Variants in LRP1B observed in about 807,000 individuals in gnomAD.
LRP1B encodes LDL receptor related protein 1B.
A neutral mutation model predicts 556.6 loss-of-function variants in LRP1B; 217 were observed. The ratio of observed to expected loss-of-function variants is 0.39; its 90% confidence interval spans 0.35 to 0.44. LRP1B has a LOEUF of 0.44. LRP1B is among the 20% of genes least tolerant of loss of function. The pLI is 1.00. For missense variants in LRP1B, 5,053 were observed against 5,620.8 expected (o/e 0.90, Z 3.23); for synonymous variants, 2,047 against 1,865.8 (o/e 1.10, Z -2.50).
chr2:141,188,349 A>T lies in LRP1B; in HGVS notation c.1013+72T>A, dbSNP rs1681353026. ...CTGTAGTCTTATTTTCCACAACAAC[A>T]CTTGTCATACTTCAATCTTTTCTTT... On this transcript the variant is annotated intron_variant, in intron 7 of 90. Coordinates refer to ENST00000389484, the MANE Select transcript of LRP1B (RefSeq NM_018557.3). The T allele has an allele frequency of 3.5e-6, 5 of 1,425,342 alleles. No homozygotes were observed. The South Asian group carries it at 4.9e-5, about 14-fold the overall frequency. The allele number at this position is 1,425,342 out of a possible 1,614,324, so 88.3% of individuals were successfully genotyped here.
chr2:141,410,655 T>A (rs1690818651), intron 3 of LRP1B, among the ~76,000 whole-genome samples: 2 of 152,048 alleles, frequency 1.3e-5, no homozygotes, highest in Non-Finnish European at 2.9e-5. Context: ...GGAATGGTGT[T>A]TTTTACTGAG....
At chr2:141,909,331 C>T (rs777299664) in intron 1 of LRP1B, among the ~76,000 whole-genome samples, 35 of 151,912 alleles carry the variant, frequency 2.3e-4, no homozygotes, top group Admixed American at 3.9e-4. Context: ...AAGTAAACTT[C>T]GAGACCTAGA....
chr2:140,306,838 G>T (rs947072933), intron 83 of LRP1B, among the ~76,000 whole-genome samples: 1 of 152,090 alleles, frequency 6.6e-6, no homozygotes, highest in Non-Finnish European at 1.5e-5. Context: ...ATGCGTCCCA[G>T]AGATTCTGGT....
chr2:140,359,135 A>G (rs977229970), intron 72 of LRP1B, among the ~76,000 whole-genome samples, 189 bp from the exon 73 acceptor site: 1 of 151,812 alleles, frequency 6.6e-6, no homozygotes, highest in Admixed American at 6.6e-5. Flanking sequence ...AACTACAGAA[A>G]AATGTGCACA....
chr2:140,778,798 A>G (rs1250656572), intron 32 of LRP1B, among the ~76,000 whole-genome samples: 1 of 152,112 alleles, frequency 6.6e-6, no homozygotes, highest in Non-Finnish European at 1.5e-5. Flanking sequence ...TGCCACATAT[A>G]TGAACGCACA....
intron 1 of LRP1B, among the ~76,000 whole-genome samples, chr2:141,923,501 GA>G (rs1700252975): frequency 1.4e-5 from 2 of 142,712 alleles, no homozygotes; most frequent in Non-Finnish European, 3.1e-5. Context: ...GAGAGGGAGG[GA>G]GGGGGAGAGA....
In LRP1B at chr2:140,934,751, T is replaced by C. The variant is rs549905932; in HGVS notation, c.3137-11604A>G. ...AGGTGCAAAGAGGTGGTGGCCATTGTCATTGCACCTCTCTCCATCGTTACA... is the reference window on the plus strand; with the variant it reads ...AGGTGCAAAGAGGTGGTGGCCATTGCCATTGCACCTCTCTCCATCGTTACA... On this transcript the variant is annotated intron_variant, in intron 20 of 90. Coordinates refer to ENST00000389484, the MANE Select transcript of LRP1B (RefSeq NM_018557.3). Among the ~76,000 whole-genome samples the C allele has an allele frequency of 6.6e-5, 10 of 152,264 alleles. No individual in the cohort carries two copies. The South Asian group carries it at 1.9e-3, about 28-fold the overall frequency.
chr2:140,764,630 T>C (rs1287180623), intron 35 of LRP1B, among the ~76,000 whole-genome samples: 1 of 152,176 alleles, frequency 6.6e-6, no homozygotes, highest in Non-Finnish European at 1.5e-5. Context: ...TTTTAAAATA[T>C]GTTTTAATTT....
rs139020958 is a variant in LRP1B, at chr2:140,934,092, T to G, written c.3137-10945A>C. On this transcript the variant is annotated intron_variant, in intron 20 of 90. Coordinates refer to ENST00000389484, the MANE Select transcript of LRP1B (RefSeq NM_018557.3). ...TAAAGTTGAGCCAGACAGTTTGTATTTCATTGAAAATAGATATTATACTTC... is the reference window on the plus strand; with the variant it reads ...TAAAGTTGAGCCAGACAGTTTGTATGTCATTGAAAATAGATATTATACTTC... Among the ~76,000 whole-genome samples the G allele has an allele frequency of 2.2e-4, 33 of 152,236 alleles. 1 individual carries two copies. In the East Asian group the frequency reaches 5.4e-3, roughly 25 times the overall value.
At chr2:141,776,266 G>A (rs888039491) in intron 2 of LRP1B, among the ~76,000 whole-genome samples, 14 of 152,178 alleles carry the variant, frequency 9.2e-5, no homozygotes, top group African/African-American at 2.9e-4. Flanking sequence ...CTTCCAAAGA[G>A]TTGTTGACTG....
chr2:142,007,550 G>C (rs1183932699), intron 1 of LRP1B, among the ~76,000 whole-genome samples: 1 of 152,166 alleles, frequency 6.6e-6, no homozygotes, highest in Non-Finnish European at 1.5e-5. Context: ...AACACTTGAA[G>C]CCAGCCAGAA....
intron 41 of LRP1B, among the ~76,000 whole-genome samples, chr2:140,650,041 T>A (rs1684620112): frequency 6.6e-6 from 1 of 152,156 alleles, no homozygotes; most frequent in Admixed American, 6.6e-5. Flanking sequence ...TTTACTTTTA[T>A]ATTCAACTTC....
chr2:140,313,824 A>G (rs1014415838), intron 83 of LRP1B, among the ~76,000 whole-genome samples: 8 of 151,926 alleles, frequency 5.3e-5, no homozygotes, highest in Admixed American at 5.3e-4. Flanking sequence ...CAGAATAAAA[A>G]TATGTGGTAA....
intron 1 of LRP1B, among the ~76,000 whole-genome samples, chr2:141,845,876 G>A (rs1697628389): frequency 6.6e-6 from 1 of 151,658 alleles, no homozygotes; most frequent in Non-Finnish European, 1.5e-5. Context: ...AAAGAGAAAG[G>A]ATATAAAATA....
At chr2:140,693,266 A>G (rs953133738) in intron 41 of LRP1B, among the ~76,000 whole-genome samples, 1 of 152,156 alleles carries the variant, frequency 6.6e-6, no homozygotes, top group African/African-American at 2.4e-5. Context: ...TTGCTCTTCT[A>G]TGTGAATTCT....
At chr2:140,718,904 G>A (rs1034003846) in intron 35 of LRP1B, among the ~76,000 whole-genome samples, 1 of 151,518 alleles carries the variant, frequency 6.6e-6, no homozygotes, top group South Asian at 2.1e-4. Flanking sequence ...TATCTCAGCT[G>A]TCTTAGCTCA....
At chr2:140,918,572 T>A (rs1040717649) in intron 21 of LRP1B, among the ~76,000 whole-genome samples, 3 of 152,098 alleles carry the variant, frequency 2.0e-5, no homozygotes, top group African/African-American at 7.2e-5. Context: ...GCATGGGTAT[T>A]ACTGGGCTTG....
intron 35 of LRP1B, among the ~76,000 whole-genome samples, chr2:140,746,812 T>C (rs1359347291): frequency 2.0e-5 from 3 of 152,072 alleles, no homozygotes; most frequent in African/African-American, 7.2e-5. Context: ...GAAAATATTT[T>C]GGCCTTACTT....
At chr2:140,611,723 A>C (rs1017040305) in intron 41 of LRP1B, among the ~76,000 whole-genome samples, 5 of 152,114 alleles carry the variant, frequency 3.3e-5, no homozygotes, top group African/African-American at 1.2e-4. Flanking sequence ...AAGCTTATTT[A>C]CTCTCTCATA....
Sources: allele counts gnomAD v4.1 joint callset (sites outside exome capture counted in the v4.1 genomes callset), GRCh38; gene constraint gnomAD v4.1.1; transcripts MANE v1.5; gene names NCBI Gene and HGNC (gene_info 2026-07-23, HGNC 2026-07-21).